The following GRM5 variants were observed in gnomAD, a reference collection of about 807,000 sequenced individuals.
The protein encoded by GRM5 is metabotropic glutamate receptor 5.
Under a neutral mutation model 83.1 loss-of-function variants are expected in GRM5, and 19 were observed. The observed-to-expected ratio is 0.23, with a 90% confidence interval of 0.16 to 0.34. GRM5 has a LOEUF of 0.34. GRM5 is among the 10% of genes least tolerant of loss of function. GRM5 has a pLI of 1.00. For missense variants in GRM5, 1,160 were observed against 1,588.3 expected (o/e 0.73, Z 4.58); for synonymous variants, 675 against 633.6 (o/e 1.07, Z -0.98).
chr11:88,741,026 A>G (rs1942017545), intron 3 of GRM5, among the ~76,000 whole-genome samples: 1 of 152,084 alleles, frequency 6.6e-6, no homozygotes, highest in African/African-American at 2.4e-5. Context: ...CTATGTGTTC[A>G]GGATAGAAGA....
intron 3 of GRM5, among the ~76,000 whole-genome samples, chr11:88,694,774 T>C (rs1049777927): frequency 5.3e-5 from 8 of 152,188 alleles, no homozygotes; most frequent in Non-Finnish European, 1.0e-4. Context: ...TATATAGATA[T>C]GATTGCTTAT....
intron 3 of GRM5, among the ~76,000 whole-genome samples, chr11:88,663,395 G>C (rs964710703): frequency 3.9e-5 from 6 of 152,104 alleles, no homozygotes. Context: ...TAAATAGATT[G>C]ATTACATTGT....
chr11:88,884,568 C>T (rs1027176534), intron 2 of GRM5, among the ~76,000 whole-genome samples: 3 of 152,198 alleles, frequency 2.0e-5, no homozygotes, highest in Admixed American at 2.0e-4. Flanking sequence ...GTGAAAGGGA[C>T]ATGAGACTTG....
intron 3 of GRM5, among the ~76,000 whole-genome samples, chr11:88,805,990 G>C (rs1193895215): frequency 1.3e-5 from 2 of 152,160 alleles, no homozygotes; most frequent in African/African-American, 4.8e-5. Context: ...AGAGGCAGCT[G>C]TCAAGTGCTG....
At chr11:88,890,211 T>C (rs538600553) in intron 2 of GRM5, among the ~76,000 whole-genome samples, 4 of 152,134 alleles carry the variant, frequency 2.6e-5, no homozygotes, top group Non-Finnish European at 5.9e-5. Context: ...ATGAAATACA[T>C]GGTAGAAGCA....
At chr11:88,995,051 T>C (rs1042507066) in intron 2 of GRM5, among the ~76,000 whole-genome samples, 2 of 152,162 alleles carry the variant, frequency 1.3e-5, no homozygotes, top group Non-Finnish European at 2.9e-5. Flanking sequence ...GTAGAGCTCC[T>C]AAACTTTGAG....
intron 2 of GRM5, among the ~76,000 whole-genome samples, chr11:88,939,554 C>T (rs751763510): frequency 7.2e-5 from 11 of 151,734 alleles, no homozygotes; most frequent in African/African-American, 7.3e-5. Flanking sequence ...GGCCTTTTAA[C>T]GATATTTACC....
rs201602116 is a variant in GRM5, at chr11:88,653,319, G to A, written c.996C>T (p.Pro332=). ...AATAATCATCAAACCACTTGACATC[G>A]GGAGATTGGAGCTTGATTGTGATGC... is the stretch of plus-strand genomic sequence containing the variant. ...VGGITIKLQS[P]DVKWFDDYYL... Residue 332 remains proline (P), a synonymous_variant, in exon 4 of 10, where the codon CCC becomes CCT. Coordinates refer to ENST00000305447, the MANE Select transcript of GRM5 (RefSeq NM_001143831.3). 45 of 1,612,674 alleles carry A rather than the reference G, an allele frequency of 2.8e-5. No homozygotes were observed. The highest frequency in any genetic ancestry group is 4.4e-5 in the South Asian group (4 of 91,050).
At chr11:88,716,100 A>G (rs1171619702) in intron 3 of GRM5, among the ~76,000 whole-genome samples, 1 of 151,978 alleles carries the variant, frequency 6.6e-6, no homozygotes, top group Non-Finnish European at 1.5e-5. Flanking sequence ...CATTAAGGCA[A>G]AAAAAGGATG....
intron 7 of GRM5, among the ~76,000 whole-genome samples, chr11:88,572,849 C>T (rs1040132599): frequency 3.3e-5 from 5 of 152,008 alleles, no homozygotes; most frequent in Non-Finnish European, 2.9e-5. Context: ...GAGTCTAAAG[C>T]GCATATAATG....
At chr11:88,892,156 CT>C (rs34754677) in intron 2 of GRM5, among the ~76,000 whole-genome samples, 6,146 of 140,548 alleles carry the variant, frequency 0.044, 186 homozygotes, top group East Asian at 0.18. Flanking sequence ...CACAAGAAGT[CT>C]TTTTTTTTTT....
At chr11:88,962,775 T>A (rs931229402) in intron 2 of GRM5, among the ~76,000 whole-genome samples, 1 of 152,146 alleles carries the variant, frequency 6.6e-6, no homozygotes, top group African/African-American at 2.4e-5. Flanking sequence ...ATATCTTTGT[T>A]GTGTGGAGAG....
intron 3 of GRM5, among the ~76,000 whole-genome samples, chr11:88,801,875 G>T (rs1212126410): frequency 6.6e-6 from 1 of 152,094 alleles, no homozygotes; most frequent in African/African-American, 2.4e-5. Context: ...GCTCCTCATG[G>T]TGTCAGGAGC....
intron 2 of GRM5, among the ~76,000 whole-genome samples, chr11:89,032,289 C>T (rs919163152): frequency 1.3e-5 from 2 of 151,736 alleles, no homozygotes; most frequent in African/African-American, 2.4e-5. Flanking sequence ...AGATCTATGT[C>T]CTTAAACACA....
intron 2 of GRM5, among the ~76,000 whole-genome samples, chr11:88,993,044 TA>T (rs1305555023): frequency 6.7e-6 from 1 of 149,662 alleles, no homozygotes; most frequent in East Asian, 2.0e-4. Context: ...AATAAAAAAA[TA>T]AAAAATAAAT....
At chr11:88,717,520 C>T (rs1941424194) in intron 3 of GRM5, among the ~76,000 whole-genome samples, 1 of 151,316 alleles carries the variant, frequency 6.6e-6, no homozygotes, top group African/African-American at 2.4e-5. Flanking sequence ...CTTTAAATAC[C>T]CTGCTAGTAA....
intron 2 of GRM5, among the ~76,000 whole-genome samples, chr11:88,900,134 G>A (rs1213023570): frequency 6.6e-6 from 1 of 152,128 alleles, no homozygotes; most frequent in Non-Finnish European, 1.5e-5. Context: ...AAAATTAGAT[G>A]TAGCTTCTAC....
intron 4 of GRM5, among the ~76,000 whole-genome samples, chr11:88,631,818 A>G (rs1286063879): frequency 6.6e-6 from 1 of 152,196 alleles, no homozygotes; most frequent in Non-Finnish European, 1.5e-5. Context: ...CCATTTGGTT[A>G]CAGACATCAA....
At chr11:88,612,187 A>C (rs1466475301) in intron 4 of GRM5, among the ~76,000 whole-genome samples, 1 of 140,794 alleles carries the variant, frequency 7.1e-6, no homozygotes, top group Non-Finnish European at 1.5e-5. Flanking sequence ...CTCTTTGTTC[A>C]ATTCCCACCT....
Sources: gnomAD v4.1 joint callset for allele counts (sites outside exome capture counted in the v4.1 genomes callset) on GRCh38, gnomAD v4.1.1 for gene constraint, MANE v1.5 for transcripts, NCBI Gene and HGNC (gene_info 2026-07-23, HGNC 2026-07-21) for gene names.